Variants in SPAG16 observed in about 807,000 individuals in gnomAD.
The protein encoded by SPAG16 is sperm associated antigen 16, also known as sperm-associated antigen 16 protein.
A neutral mutation model predicts 80.4 loss-of-function variants in SPAG16; 86 were observed. That is an observed-to-expected ratio of 1.07 (90% CI 0.90 to 1.28). The LOEUF (loss-of-function observed/expected upper bound fraction) is 1.28, where lower values mean the gene tolerates loss of function less well. Among genes scored for constraint, SPAG16 ranks in the 50% most tolerant of loss-of-function variants. The pLI, the probability that SPAG16 is intolerant of heterozygous loss-of-function variation, is 0.00. For missense variants in SPAG16, 870 were observed against 765.3 expected, an observed-to-expected ratio of 1.14 and a Z score of -1.61; for synonymous variants, 294 against 265.9, an observed-to-expected ratio of 1.11 and a Z score of -1.03.
intron 1 of SPAG16, among the ~76,000 whole-genome samples, chr2:213,290,951 A>G (rs139189739): frequency 1.4e-4 from 22 of 152,260 alleles, no homozygotes; most frequent in African/African-American, 5.1e-4. Context: ...ACACTGCACT[A>G]TTCTTTTTAT....
chr2:214,200,784 T>C (rs186366027), intron 15 of SPAG16, among the ~76,000 whole-genome samples: 46 of 152,356 alleles, frequency 3.0e-4, no homozygotes, highest in African/African-American at 1.1e-3. Flanking sequence ...TTTTAATGTT[T>C]GTGAAACAAA....
intron 12 of SPAG16, among the ~76,000 whole-genome samples, chr2:213,984,576 C>T (rs1391770673): frequency 1.3e-5 from 2 of 152,110 alleles, no homozygotes; most frequent in Non-Finnish European, 2.9e-5. Context: ...ACATGGGAAG[C>T]AGTCAGTGGA....
At chr2:213,456,791 A>C (rs1277816234) in intron 9 of SPAG16, among the ~76,000 whole-genome samples, 1 of 151,984 alleles carries the variant, frequency 6.6e-6, no homozygotes, top group Non-Finnish European at 1.5e-5. Flanking sequence ...TTTGTGAGGG[A>C]ATTTTTGTCA....
chr2:214,208,994 G>C (rs1439013114), intron 15 of SPAG16, among the ~76,000 whole-genome samples: 1 of 151,944 alleles, frequency 6.6e-6, no homozygotes, highest in African/African-American at 2.4e-5. Context: ...GAACCCAATT[G>C]CTCTGTTTTT....
At chr2:213,832,628 C>T (rs2073734986) in intron 10 of SPAG16, among the ~76,000 whole-genome samples, 1 of 152,134 alleles carries the variant, frequency 6.6e-6, no homozygotes, top group Non-Finnish European at 1.5e-5. Context: ...AGGAATCCTA[C>T]ACAGAGAGGC....
At chr2:213,682,138 C>G (rs888875213) in intron 10 of SPAG16, among the ~76,000 whole-genome samples, 2 of 152,174 alleles carry the variant, frequency 1.3e-5, no homozygotes, top group African/African-American at 4.8e-5. Flanking sequence ...CAAGGCAATA[C>G]CTTGAATTGA....
At chr2:213,322,953 G>GGTTA (rs1430135203) in intron 5 of SPAG16, among the ~76,000 whole-genome samples, 1 of 152,142 alleles carries the variant, frequency 6.6e-6, no homozygotes, top group African/African-American at 2.4e-5. Context: ...CTAACCAGTG[G>GGTTA]GTTAGTGGTA....
At chr2:213,869,795 GCTT>G (rs1301614213) in intron 11 of SPAG16, among the ~76,000 whole-genome samples, 1 of 151,980 alleles carries the variant, frequency 6.6e-6, no homozygotes, top group Non-Finnish European at 1.5e-5. Context: ...ATTAATTTTA[GCTT>G]TATACACATT....
At chr2:214,343,844 T>G (rs1198606071) in intron 15 of SPAG16, among the ~76,000 whole-genome samples, 1 of 152,114 alleles carries the variant, frequency 6.6e-6, no homozygotes, top group African/African-American at 2.4e-5. Context: ...ATATCTGGCT[T>G]ACTGAGTCTG....
At chr2:213,899,435 G>A (rs950044115) in intron 11 of SPAG16, among the ~76,000 whole-genome samples, 14 of 152,020 alleles carry the variant, frequency 9.2e-5, no homozygotes, top group African/African-American at 3.4e-4. Context: ...GTTTTATATA[G>A]AGACTGCATG....
chr2:213,625,986 G>A (rs1019982033), intron 10 of SPAG16, among the ~76,000 whole-genome samples: 9 of 151,936 alleles, frequency 5.9e-5, no homozygotes, highest in Admixed American at 6.6e-5. Flanking sequence ...CACCACACCC[G>A]GCCTCTACTA....
chr2:213,925,019 A>C (rs547791011), intron 11 of SPAG16, among the ~76,000 whole-genome samples: 249 of 152,076 alleles, frequency 1.6e-3, no homozygotes, highest in African/African-American at 5.7e-3. Flanking sequence ...TACTATTCTT[A>C]TAGTGCTCAC....
At chr2:213,819,290 T>C (rs1242770159) in intron 10 of SPAG16, among the ~76,000 whole-genome samples, 2 of 152,230 alleles carry the variant, frequency 1.3e-5, no homozygotes, top group Non-Finnish European at 2.9e-5. Flanking sequence ...TTTTATTTCC[T>C]GGAAAATGCC....
At chr2:213,771,997 G>A (rs953975863) in intron 10 of SPAG16, among the ~76,000 whole-genome samples, 17 of 152,060 alleles carry the variant, frequency 1.1e-4, no homozygotes, top group African/African-American at 4.1e-4. Flanking sequence ...AATGTCAATG[G>A]TAGTTTAATG....
chr2:213,890,014 A>C (rs1406061673), intron 11 of SPAG16, among the ~76,000 whole-genome samples: 1 of 152,074 alleles, frequency 6.6e-6, no homozygotes, highest in Non-Finnish European at 1.5e-5. Context: ...TTATAATATG[A>C]AAATATTGAG....
At chr2:214,329,445 T>C (rs571012405) in intron 15 of SPAG16, among the ~76,000 whole-genome samples, 29 of 152,342 alleles carry the variant, frequency 1.9e-4, no homozygotes, top group Middle Eastern at 6.8e-3. Flanking sequence ...TAGAATCAAA[T>C]AGCAGTATTG....
At chr2:213,518,798 A>G (rs1189973394) in intron 10 of SPAG16, among the ~76,000 whole-genome samples, 4 of 152,246 alleles carry the variant, frequency 2.6e-5, no homozygotes, top group East Asian at 1.9e-4. Flanking sequence ...ACTATTCACA[A>G]TAGCAAAGAC....
At chr2:214,392,804 T>A (rs1410595525) in intron 15 of SPAG16, among the ~76,000 whole-genome samples, 1 of 152,130 alleles carries the variant, frequency 6.6e-6, no homozygotes, top group Admixed American at 6.5e-5. Context: ...TATGCATATT[T>A]ACAATAATAT....
At chr2:213,941,441 C>A (rs2079193953) in intron 12 of SPAG16, among the ~76,000 whole-genome samples, 1 of 152,044 alleles carries the variant, frequency 6.6e-6, no homozygotes, top group East Asian at 1.9e-4. Flanking sequence ...TTAATTGACA[C>A]ACACACAAAC....
Sources: allele counts gnomAD v4.1 joint callset (sites outside exome capture counted in the v4.1 genomes callset), GRCh38; gene constraint gnomAD v4.1.1; transcripts MANE v1.5; gene names NCBI Gene and HGNC (gene_info 2026-07-23, HGNC 2026-07-21).